The following SIPA1L2 variants were observed in gnomAD, a reference collection of about 807,000 sequenced individuals.
SIPA1L2 encodes the protein signal-induced proliferation-associated 1-like protein 2.
SIPA1L2 carries 56 observed loss-of-function variants against 163.9 expected under a neutral mutation model. That is an observed-to-expected ratio of 0.34 (90% CI 0.28 to 0.43). The LOEUF is 0.43. Ranked by LOEUF, SIPA1L2 falls within the 20% of genes least tolerant of loss-of-function variation. The pLI is 1.00. For synonymous variants in SIPA1L2, 877 were observed against 865.7 expected, an observed-to-expected ratio of 1.01 and a Z score of -0.23; for missense variants, 1,974 against 2,193.5, an observed-to-expected ratio of 0.90 and a Z score of 2.00.
In SIPA1L2 at chr1:232,445,727, G is replaced by C. The variant is rs199716225; in HGVS notation, c.3155C>G (p.Thr1052Ser). The change falls in exon 11 of 23, where the codon ACC becomes AGC. Residue 1052 changes from threonine (T) to serine (S), a missense_variant. Physicochemically the swap from Thr to Ser is moderately conservative, Grantham distance 58. Around this residue, in one of 3 missense-constraint regions of SIPA1L2, gnomAD observed 1,079 missense variants for 1,150.7 expected, o/e 0.94. Transcript: ENST00000674635. ...GAAGGGGGTTTTATACTCGCAGGGGGTGCCCTCGCTGTCGAGTTTATATTC... is the reference window on the plus strand; with the variant it reads ...GAAGGGGGTTTTATACTCGCAGGGGCTGCCCTCGCTGTCGAGTTTATATTC... The part of the protein sequence containing the change: ...MVEYKLDSEG[T>S]PCEYKTPFRR... The C allele has an allele frequency of 1.6e-4, 259 of 1,613,678 alleles. 1 individual carries two copies. Among genetic ancestry groups the C allele is most frequent in the African/African-American group, 7.9e-4 (59 of 74,998 alleles).
chr1:232,617,703 G>C (rs570097723), intron 1 of SIPA1L2, among the ~76,000 whole-genome samples: 3 of 152,016 alleles, frequency 2.0e-5, no homozygotes, highest in Admixed American at 1.3e-4. Flanking sequence ...TAAGTTGACC[G>C]GGCAGGGACA....
At position 232,398,396 on chromosome 1, in the gene SIPA1L2, G is replaced by A. The variant is rs573274795; in HGVS notation, c.*731C>T. On this transcript the variant is annotated 3_prime_UTR_variant, in exon 23 of 23. Transcript: ENST00000674635. Reference sequence around the variant, plus strand: ...GCAACTATACAAAAGTGAACTAAGAGTTGAAGTGACTACTGACCACTCGGT... The same window carrying A: ...GCAACTATACAAAAGTGAACTAAGAATTGAAGTGACTACTGACCACTCGGT... 1.3e-5 allele frequency: 2 copies of A among 152,692 alleles called. No homozygotes were observed. The highest frequency in any genetic ancestry group is 4.1e-4 in the South Asian group (2 of 4,820). 9.5% of individuals were successfully genotyped at this position (152,692 alleles called of 1,614,324 possible). A position where few individuals can be genotyped will look rare whatever the true frequency, so the allele number is the denominator to read the frequency against.
chr1:232,611,020 A>T (rs547073793), intron 1 of SIPA1L2, among the ~76,000 whole-genome samples: 1 of 152,220 alleles, frequency 6.6e-6, no homozygotes, highest in African/African-American at 2.4e-5. Context: ...TGTGGGAGGG[A>T]CCCAGTGGGA....
chr1:232,597,564 T>C (rs1200047120), intron 1 of SIPA1L2, among the ~76,000 whole-genome samples: 7 of 147,404 alleles, frequency 4.7e-5, no homozygotes, highest in Admixed American at 1.4e-4. Flanking sequence ...ATGGCGGGCG[T>C]CTGTAGTCCC....
chr1:232,602,190 A>C (rs1256075128), intron 1 of SIPA1L2, among the ~76,000 whole-genome samples: 7 of 152,168 alleles, frequency 4.6e-5, no homozygotes, highest in African/African-American at 1.4e-4. Context: ...CAGCAAAGCC[A>C]ACCTGGATGA....
At chr1:232,492,731 C>G (rs1665994831) in intron 4 of SIPA1L2, among the ~76,000 whole-genome samples, 1 of 152,122 alleles carries the variant, frequency 6.6e-6, no homozygotes. Context: ...CCATTTGGAA[C>G]AGGAACATTT....
intron 1 of SIPA1L2, among the ~76,000 whole-genome samples, chr1:232,615,530 G>C (rs1207710887): frequency 1.3e-5 from 2 of 152,132 alleles, no homozygotes; most frequent in Admixed American, 6.5e-5. Context: ...CATTCGAAAG[G>C]TTTTTGCTCC....
chr1:232,479,589 T>C (rs143426860), intron 7 of SIPA1L2, 38 bp downstream of exon 7: 2 of 1,540,136 alleles, frequency 1.3e-6, no homozygotes, highest in Non-Finnish European at 9.0e-7. Context: ...TCAGATTTCA[T>C]ACTCAGCGTA....
chr1:232,499,740 T>C (rs1666370259), intron 3 of SIPA1L2, among the ~76,000 whole-genome samples: 1 of 152,214 alleles, frequency 6.6e-6, no homozygotes, highest in South Asian at 2.1e-4. Flanking sequence ...TAAAAGAAGA[T>C]GCCATCCAGA....
At chr1:232,399,868 G>A (rs1346890572) in intron 22 of SIPA1L2, among the ~76,000 whole-genome samples, 1 of 152,156 alleles carries the variant, frequency 6.6e-6, no homozygotes. Flanking sequence ...TGCTGAAAGG[G>A]ATGCCTTGCC....
At position 232,623,761 on chromosome 1, in the gene SIPA1L2, G is replaced by A. The variant is rs71638444; in HGVS notation, c.-319+6108C>T. Among the ~76,000 whole-genome samples the A allele has an allele frequency of 3.5e-3, 532 of 152,170 alleles. 1 individual carries two copies. The highest frequency in any genetic ancestry group is 0.02 in the South Asian group (96 of 4,818). On this transcript the variant is annotated intron_variant, in intron 1 of 22. Transcript: ENST00000674635. ...CAATTCTGGAAGAAAACAGGCCAAA[G>A]TCAGAAATGTCTTCGGGAAAAAGAA... is the stretch of plus-strand genomic sequence containing the variant.
chr1:232,403,415 G>A, intron 21 of SIPA1L2, 33 bp downstream of exon 21: 1 of 1,600,984 alleles, frequency 6.2e-7, no homozygotes, highest in Non-Finnish European at 8.5e-7. Flanking sequence ...GCCTGGAACA[G>A]CAGGAGGGAG....
chr1:232,594,337 C>G (rs1458919399), intron 1 of SIPA1L2, among the ~76,000 whole-genome samples: 1 of 152,198 alleles, frequency 6.6e-6, no homozygotes. Context: ...TAAAAATCAA[C>G]AGCTGGTGCT....
intron 6 of SIPA1L2, 32 bp downstream of exon 6, chr1:232,483,760 A>G (rs775439595): frequency 3.7e-5 from 59 of 1,611,656 alleles, no homozygotes; most frequent in Non-Finnish European, 5.0e-5. Context: ...TGGAGAATTA[A>G]AAATGTGCAC....
At chr1:232,549,178 G>A (rs1658236731) in intron 2 of SIPA1L2, among the ~76,000 whole-genome samples, 1 of 152,290 alleles carries the variant, frequency 6.6e-6, no homozygotes, top group East Asian at 1.9e-4. Flanking sequence ...AGAGGTGACA[G>A]GAGCAGCCAG....
chr1:232,560,121 C>A (rs983238156), intron 2 of SIPA1L2, among the ~76,000 whole-genome samples: 2 of 152,180 alleles, frequency 1.3e-5, no homozygotes, highest in African/African-American at 4.8e-5. Flanking sequence ...CTTGGCCAGT[C>A]CTTTATTGAC....
rs141392187 is a variant in SIPA1L2, at chr1:232,471,388, G to A, written c.2226C>T (p.Thr742=). The A allele has an allele frequency of 4.7e-4, 762 of 1,613,520 alleles. 10 individuals are homozygous for A. The African/African-American group carries it at 8.6e-3, about 18-fold the overall frequency. ...TGACTCACCTATAACACACATTTTC[G>A]GTACATGGATTATGCACTTTGACTA... ...FVIVKVHNPC[T]ENVCYSVGVS... Residue 742 remains threonine, a synonymous_variant, in exon 8 of 23, where the codon ACC becomes ACT. Transcript: ENST00000674635.
chr1:232,560,122 C>T lies in SIPA1L2; in HGVS notation c.-270+14052G>A, dbSNP rs533788565. Among the ~76,000 whole-genome samples the T allele has an allele frequency of 5.9e-5, 9 of 152,308 alleles. No homozygotes were observed. In the East Asian group the frequency reaches 1.7e-3, roughly 29 times the overall value. On this transcript the variant is annotated intron_variant, in intron 2 of 22. Coordinates refer to ENST00000674635, the MANE Select transcript of SIPA1L2 (RefSeq NM_020808.5). Reference sequence around the variant, plus strand: ...GAACAGAAATAGCCCTTGGCCAGTCCTTTATTGACAGTAAAGAAACGTACT... The same window carrying T: ...GAACAGAAATAGCCCTTGGCCAGTCTTTTATTGACAGTAAAGAAACGTACT...
intron 2 of SIPA1L2, among the ~76,000 whole-genome samples, chr1:232,563,906 G>A (rs1356107176): frequency 6.6e-6 from 1 of 150,464 alleles, no homozygotes; most frequent in Non-Finnish European, 1.5e-5. Context: ...GTAGAGACAA[G>A]GTTTCATCAT....
Sources: allele counts gnomAD v4.1 joint callset (sites outside exome capture counted in the v4.1 genomes callset), GRCh38; gene constraint gnomAD v4.1.1; regional missense constraint gnomAD v4.1.1; transcripts MANE v1.5; gene names NCBI Gene and HGNC (gene_info 2026-07-23, HGNC 2026-07-21).